Variants in BMF observed in about 807,000 individuals in gnomAD.
BMF encodes bcl-2-modifying factor.
In BMF, 10 loss-of-function variants were observed where a neutral mutation model predicts 22.0. That is an observed-to-expected ratio of 0.45 (90% CI 0.28 to 0.77). BMF has a LOEUF of 0.77. BMF is among the 30% of genes least tolerant of loss of function. BMF has a pLI of 0.13. For missense variants in BMF, 206 were observed against 226.8 expected (o/e 0.91, Z 0.59); for synonymous variants, 87 against 88.1 (o/e 0.99, Z 0.07).
rs554598839 is a variant in BMF, at chr15:40,106,295, C to A, written c.-5-204G>T. ...TGTGGACTGCCTGAATGTTCAGGGG[C>A]TCTCCACACCTCTTCCCTGGGCCCG... On this transcript the variant is annotated intron_variant, in intron 2 of 4. Coordinates refer to ENST00000354670, the MANE Select transcript of BMF (RefSeq NM_001003940.2). This position sits in a 1 kb window ranked among gnomAD's most constrained non-coding sequence, Gnocchi z 4.1. 3.0e-4 allele frequency: 161 copies of A among 528,562 alleles called. 2 individuals are homozygous for A. In the South Asian group the frequency reaches 3.2e-3, roughly 11 times the overall value. 32.7% of individuals were successfully genotyped at this position (528,562 alleles called of 1,614,324 possible).
In BMF at chr15:40,106,836, C is replaced by T. The variant is rs1176930023; in HGVS notation, c.-5-745G>A. Among the ~76,000 whole-genome samples the T allele has an allele frequency of 1.3e-5, 2 of 152,152 alleles. No individual in the cohort carries two copies. The highest frequency in any genetic ancestry group is 2.4e-5 in the African/African-American group (1 of 41,436). On this transcript the variant is annotated intron_variant, in intron 2 of 4. Transcript: ENST00000354670. This position sits in a 1 kb window ranked among gnomAD's most constrained non-coding sequence, Gnocchi z 4.1. ...TTTGAGCAGAGTTGAGCTGTCTGCC[C>T]ACCAAAGTTTGGCCTAGAGGGTAGG...
At chr15:40,097,690 C>T (rs1048737469) in intron 4 of BMF, among the ~76,000 whole-genome samples, 2 of 152,162 alleles carry the variant, frequency 1.3e-5, no homozygotes, top group African/African-American at 2.4e-5. Flanking sequence ...GTGGTGATTA[C>T]GTAAGAAAAA....
chr15:40,107,196 C>A (rs1358699360), intron 2 of BMF, among the ~76,000 whole-genome samples: 2 of 152,208 alleles, frequency 1.3e-5, no homozygotes, highest in South Asian at 2.1e-4. Context: ...GAAGCAGCAA[C>A]CACCTGAACA....
intron 3 of BMF, among the ~76,000 whole-genome samples, chr15:40,104,892 C>T (rs1455599652): frequency 1.3e-5 from 2 of 152,202 alleles, no homozygotes; most frequent in African/African-American, 4.8e-5. Context: ...AGTTGCTCTC[C>T]GGAGACAGCC....
In BMF at chr15:40,090,203, A is replaced by T. The variant is rs2036206517; in HGVS notation, c.*1584T>A. On this transcript the variant is annotated 3_prime_UTR_variant, in exon 5 of 5. Coordinates refer to ENST00000354670, the MANE Select transcript of BMF (RefSeq NM_001003940.2). ...TGCAGGTGCCCTTGTGCAGTGAACAACCTGCACAACTGTACATCCAGAAGA... is the reference window on the plus strand; with the variant it reads ...TGCAGGTGCCCTTGTGCAGTGAACATCCTGCACAACTGTACATCCAGAAGA... 1 of 152,610 alleles carries T rather than the reference A, an allele frequency of 6.6e-6. No homozygotes were observed. Among genetic ancestry groups the T allele is most frequent in the Non-Finnish European group, 1.5e-5 (1 of 68,044 alleles). The allele number at this position is 152,610 out of a possible 1,614,324, so 9.5% of individuals were successfully genotyped here.
Position 40,088,979 on chromosome 15 carries a change from AC to A in BMF, c.*2807del, listed in dbSNP as rs2036183664. On this transcript the variant is annotated 3_prime_UTR_variant, in exon 5 of 5. Transcript: ENST00000354670. ...GTTGTGAATTAGAAGGGCTGTTTTGACCCTGAATATCAGGCTTCCCTTCCTC... is the reference window on the plus strand; with the variant it reads ...GTTGTGAATTAGAAGGGCTGTTTTGACCTGAATATCAGGCTTCCCTTCCTC... 1 of 152,684 alleles carries A rather than the reference AC, an allele frequency of 6.5e-6. No homozygotes were observed. Among genetic ancestry groups the A allele is most frequent in the South Asian group, 2.1e-4 (1 of 4,818 alleles). 9.5% of individuals were successfully genotyped at this position (152,684 alleles called of 1,614,324 possible).
chr15:40,106,517 AAC>A lies in BMF; in HGVS notation c.-5-428_-5-427del, dbSNP rs71658279. 9,901 of 136,002 alleles carry A rather than the reference AAC, an allele frequency of 0.073. 370 individuals are homozygous for A. Among genetic ancestry groups the A allele is most frequent in the South Asian group, 0.13 (526 of 4,106 alleles). 8.4% of individuals were successfully genotyped at this position (136,002 alleles called of 1,614,324 possible). ...GACTGGCTATACATACAGTGCTCAC[AAC>A]ACACACACACACACACACACACACA... is the stretch of plus-strand genomic sequence containing the variant. On this transcript the variant is annotated intron_variant, in intron 2 of 4. Transcript: ENST00000354670. The surrounding 1 kb of genome is among the most constrained non-coding windows in gnomAD (Gnocchi z 4.1).
At chr15:40,097,085 A>G (rs6492929) in intron 4 of BMF, among the ~76,000 whole-genome samples, 21,043 of 152,210 alleles carry the variant, frequency 0.14, 3,363 homozygotes, top group East Asian at 0.36. Context: ...CATTGAGAGC[A>G]GGAAAATTCC....
chr15:40,094,684 T>C (rs1427046922), intron 4 of BMF, among the ~76,000 whole-genome samples: 1 of 152,188 alleles, frequency 6.6e-6, no homozygotes, highest in Non-Finnish European at 1.5e-5. Flanking sequence ...GGTCAGAATT[T>C]CAAGGAAGGG....
At chr15:40,095,908 C>T (rs541875477) in intron 4 of BMF, among the ~76,000 whole-genome samples, 1 of 152,274 alleles carries the variant, frequency 6.6e-6, no homozygotes, top group South Asian at 2.1e-4. Context: ...TGTTTCAATC[C>T]CTACTGTGTG....
intron 4 of BMF, among the ~76,000 whole-genome samples, chr15:40,099,236 A>G (rs1211216705): frequency 6.6e-6 from 1 of 152,242 alleles, no homozygotes; most frequent in Non-Finnish European, 1.5e-5. Flanking sequence ...GTCAGGAAGC[A>G]ATCAGGGGCT....
chr15:40,091,659 T>A lies in BMF; in HGVS notation c.*128A>T, dbSNP rs1396949448. The A allele has an allele frequency of 2.8e-6, 2 of 712,862 alleles. No homozygotes were observed. Among genetic ancestry groups the A allele is most frequent in the Non-Finnish European group, 2.3e-6 (1 of 426,912 alleles). The allele number at this position is 712,862 out of a possible 1,614,324, so 44.2% of individuals were successfully genotyped here. A position where few individuals can be genotyped will look rare whatever the true frequency, so the allele number is the denominator to read the frequency against. On this transcript the variant is annotated 3_prime_UTR_variant, in exon 5 of 5. Coordinates refer to ENST00000354670, the MANE Select transcript of BMF (RefSeq NM_001003940.2). ...GTTGTATGTACACTCAGAGAGAAAT[T>A]AAAAAAAATTAAAACACAAAATAAC... is the stretch of plus-strand genomic sequence containing the variant.
rs986659301 is a variant in BMF at position 40,106,320 on chromosome 15, G to A, written c.-5-229C>T. 8 of 443,030 alleles carry A rather than the reference G, an allele frequency of 1.8e-5. 1 individual carries two copies. The East Asian group carries it at 2.6e-4, about 14-fold the overall frequency. The allele number at this position is 443,030 out of a possible 1,614,324, so 27.4% of individuals were successfully genotyped here. On this transcript the variant is annotated intron_variant, in intron 2 of 4. Coordinates refer to ENST00000354670, the MANE Select transcript of BMF (RefSeq NM_001003940.2). This position sits in a 1 kb window ranked among gnomAD's most constrained non-coding sequence, Gnocchi z 4.1. ...CTCTCCACACCTCTTCCCTGGGCCC[G>A]CCTGGAACCACCCTTTTTCTTGATC...
intron 4 of BMF, among the ~76,000 whole-genome samples, chr15:40,102,116 G>A (rs1353683025): frequency 6.6e-6 from 1 of 152,146 alleles, no homozygotes; most frequent in Non-Finnish European, 1.5e-5. Context: ...TGAACTGGGA[G>A]AAGTGATGCC....
At chr15:40,099,585 C>T (rs937609932) in intron 4 of BMF, among the ~76,000 whole-genome samples, 3 of 151,988 alleles carry the variant, frequency 2.0e-5, no homozygotes, top group Non-Finnish European at 2.9e-5. Flanking sequence ...TCAAGACAAG[C>T]CTGACCGACA....
intron 4 of BMF, among the ~76,000 whole-genome samples, chr15:40,098,429 C>A (rs932440931): frequency 6.7e-6 from 1 of 150,234 alleles, no homozygotes; most frequent in Non-Finnish European, 1.5e-5. Context: ...CAGAAGGGCA[C>A]AATGGTGTGT....
chr15:40,093,846 C>CT (rs1374380305), intron 4 of BMF, among the ~76,000 whole-genome samples: 2 of 152,210 alleles, frequency 1.3e-5, no homozygotes, highest in Non-Finnish European at 2.9e-5. Context: ...GGTCCATGGA[C>CT]TAGCAGCCTC....
At chr15:40,104,491 A>G (rs1172596604) in intron 3 of BMF, 151 bp from the exon 4 acceptor site, 12 of 968,546 alleles carry the variant, frequency 1.2e-5, no homozygotes, top group Middle Eastern at 3.2e-4. Context: ...GCACTCTGCC[A>G]AGCTTGGACA....
chr15:40,096,249 C>T (rs1402446642), intron 4 of BMF, among the ~76,000 whole-genome samples: 1 of 151,046 alleles, frequency 6.6e-6, no homozygotes, highest in Non-Finnish European at 1.5e-5. Flanking sequence ...TCCCACACAG[C>T]CTCTGCCCTA....
Sources: allele counts gnomAD v4.1 joint callset (sites outside exome capture counted in the v4.1 genomes callset), GRCh38; gene constraint gnomAD v4.1.1; non-coding constraint Gnocchi (gnomAD v3.1); transcripts MANE v1.5; gene names NCBI Gene and HGNC (gene_info 2026-07-23, HGNC 2026-07-21).